The following CHD9 variants were observed in gnomAD, a reference collection of about 807,000 sequenced individuals.
CHD9 encodes ATP-dependent chromatin remodeler CHD9.
In CHD9, 77 loss-of-function variants were observed where a neutral mutation model predicts 316.1. The observed-to-expected ratio is 0.24, with a 90% CI of 0.20 to 0.29. The LOEUF is 0.29. CHD9 is among the 10% of genes least tolerant of loss of function. The pLI, the probability that CHD9 is intolerant of heterozygous loss-of-function variation, is 1.00. For missense variants in CHD9, 2,763 were observed against 3,438.1 expected (o/e 0.80, Z 4.91); for synonymous variants, 1,129 against 1,158.3 (o/e 0.97, Z 0.51).
At chr16:53,254,730 A>G (rs2050433831) in intron 18 of CHD9, 125 bp downstream of exon 18, 2 of 742,426 alleles carry the variant, frequency 2.7e-6, no homozygotes, top group Admixed American at 2.7e-5. Context: ...CTGCAGGGGA[A>G]CATTTTCAGG....
chr16:53,100,690 G>A (rs965453306), intron 1 of CHD9, among the ~76,000 whole-genome samples: 7 of 152,090 alleles, frequency 4.6e-5, no homozygotes, highest in Non-Finnish European at 1.5e-5. Flanking sequence ...GAACTCCTGG[G>A]CTCAAGCAAT....
At chr16:53,146,043 G>T (rs546641016) in intron 1 of CHD9, among the ~76,000 whole-genome samples, 1 of 151,842 alleles carries the variant, frequency 6.6e-6, no homozygotes, top group East Asian at 2.0e-4. Context: ...ACAGTAGATG[G>T]TGATTGCCAG....
intron 1 of CHD9, among the ~76,000 whole-genome samples, chr16:53,123,564 G>A (rs1306887968): frequency 6.6e-6 from 1 of 151,964 alleles, no homozygotes; most frequent in Non-Finnish European, 1.5e-5. Flanking sequence ...TGCAGTGGCT[G>A]TATCTCAGCT....
In CHD9 at chr16:53,245,530, A is replaced by G. The variant is rs1478441277; in HGVS notation, c.3198+51A>G. ...ATTCATCGCATTTCTAATCATTGTA[A>G]TTATTTTGTATGTGTAATTAAATGC... On this transcript the variant is annotated intron_variant, in intron 14 of 38. Transcript: ENST00000447540. This position sits in a 1 kb window ranked among gnomAD's most constrained non-coding sequence, Gnocchi z 4.1. 2.6e-6 allele frequency: 4 copies of G among 1,536,398 alleles called. No homozygotes were observed. In the African/African-American group the frequency reaches 4.2e-5, roughly 16 times the overall value.
At chr16:53,106,946 G>A (rs2037406968) in intron 1 of CHD9, among the ~76,000 whole-genome samples, 1 of 152,184 alleles carries the variant, frequency 6.6e-6, no homozygotes, top group African/African-American at 2.4e-5. Flanking sequence ...TTTAAAAAAT[G>A]AGAAGACTGT....
At chr16:53,123,665 C>A (rs2038844238) in intron 1 of CHD9, among the ~76,000 whole-genome samples, 1 of 151,964 alleles carries the variant, frequency 6.6e-6, no homozygotes, top group Admixed American at 6.6e-5. Context: ...CAACGCCTGG[C>A]AAATTTTTGT....
At chr16:53,179,942 A>G (rs367732913) in intron 2 of CHD9, among the ~76,000 whole-genome samples, 30 of 151,742 alleles carry the variant, frequency 2.0e-4, no homozygotes, top group African/African-American at 6.0e-4. Context: ...AGATTTTTAT[A>G]TATTTTCTCA....
At chr16:53,192,020 T>G (rs1023551859) in intron 2 of CHD9, among the ~76,000 whole-genome samples, 7 of 150,598 alleles carry the variant, frequency 4.6e-5, no homozygotes, top group African/African-American at 1.7e-4. Context: ...TGATGTTGAG[T>G]ATCTTTTCAT....
At position 53,156,446 on chromosome 16, in the gene CHD9, A is replaced by G. The variant is rs756400457; in HGVS notation, c.357A>G (p.Ser119=). The G allele has an allele frequency of 6.2e-7, 1 of 1,614,022 alleles. No homozygotes were observed. The highest frequency in any genetic ancestry group is 8.5e-7 in the Non-Finnish European group (1 of 1,179,890). Residue 119 remains serine, a synonymous_variant, in exon 2 of 39, where the codon TCA becomes TCG. Coordinates refer to ENST00000447540, the MANE Select transcript of CHD9 (RefSeq NM_001308319.2). ...CCAATGGTTTGTTTCCAGATGTATC[A>G]GATGGCAGTCCAATGTGGGGCCATC... ...NQPNGLFPDV[S]DGSPMWGHQT... is the part of the protein sequence containing the mutation.
At chr16:53,181,812 G>A (rs1392307659) in intron 2 of CHD9, among the ~76,000 whole-genome samples, 1 of 152,194 alleles carries the variant, frequency 6.6e-6, no homozygotes, top group Non-Finnish European at 1.5e-5. Flanking sequence ...GGATGCGGTG[G>A]CTCACACCTG....
At chr16:53,313,053 A>G (rs2056598053) in intron 34 of CHD9, among the ~76,000 whole-genome samples, 1 of 152,230 alleles carries the variant, frequency 6.6e-6, no homozygotes, top group South Asian at 2.1e-4. Context: ...GCTGCTTAAT[A>G]AAATATCTAT....
intron 2 of CHD9, among the ~76,000 whole-genome samples, chr16:53,183,679 C>T (rs550336858): frequency 2.0e-4 from 31 of 152,204 alleles, no homozygotes; most frequent in Middle Eastern, 3.4e-3. Context: ...TTTGCAAGGT[C>T]AGAGTGAGAG....
At chr16:53,231,222 A>G (rs2048146645) in intron 8 of CHD9, among the ~76,000 whole-genome samples, 197 bp from the exon 9 acceptor site, 1 of 152,136 alleles carries the variant, frequency 6.6e-6, no homozygotes, top group South Asian at 2.1e-4. Context: ...TTTTAGTACT[A>G]TTTGGTTTTA....
intron 1 of CHD9, among the ~76,000 whole-genome samples, chr16:53,106,678 A>G (rs2037381587): frequency 2.6e-5 from 4 of 152,012 alleles, no homozygotes; most frequent in Non-Finnish European, 5.9e-5. Context: ...ACACACACAC[A>G]CAGCGCGATG....
At chr16:53,206,132 A>C (rs2152861704) in intron 2 of CHD9, among the ~76,000 whole-genome samples, 1 of 152,010 alleles carries the variant, frequency 6.6e-6, no homozygotes, top group East Asian at 1.9e-4. Flanking sequence ...TTGTATTTTT[A>C]GTAGAGGCGA....
In CHD9 at chr16:53,167,913, T is replaced by C. The variant is rs186373532; in HGVS notation, c.1452+10372T>C. Among the ~76,000 whole-genome samples, 262 of 152,226 alleles carry C rather than the reference T, an allele frequency of 1.7e-3. 3 individuals are homozygous for C. The highest frequency in any genetic ancestry group is 6.0e-3 in the African/African-American group (248 of 41,554). On this transcript the variant is annotated intron_variant, in intron 2 of 38. Transcript: ENST00000447540. ...CACTTAGACAGATATTCTTAGAAGA[T>C]TGTATTGTAGGATAAATTTCCTAGG...
At position 53,285,592 on chromosome 16, in the gene CHD9, A is replaced by T. The variant is rs202247441; in HGVS notation, c.4968-4A>T. 1.9e-3 allele frequency: 3,034 copies of T among 1,567,828 alleles called. 7 individuals carry two copies. Among genetic ancestry groups the T allele is most frequent in the Non-Finnish European group, 2.3e-3 (2,657 of 1,152,586 alleles). The stretch of plus-strand genomic sequence containing the variant: ...CATAATGCCATATTATGATTTTTTT[A>T]AAGTGACATTGATGTTTGGGTACCA... On this transcript the variant is annotated splice_polypyrimidine_tract_variant and splice_region_variant and intron_variant, in intron 24 of 38. Transcript: ENST00000447540.
At chr16:53,182,935 G>A (rs908762074) in intron 2 of CHD9, among the ~76,000 whole-genome samples, 5 of 152,042 alleles carry the variant, frequency 3.3e-5, no homozygotes, top group East Asian at 1.9e-4. Flanking sequence ...GTGAATATAC[G>A]AATGCATATG....
intron 1 of CHD9, among the ~76,000 whole-genome samples, chr16:53,145,045 A>G (rs996810235): frequency 5.3e-5 from 8 of 152,086 alleles, no homozygotes; most frequent in African/African-American, 1.2e-4. Context: ...GATTAAGTCA[A>G]TTAAGCAAAG....
Sources: allele counts gnomAD v4.1 joint callset (sites outside exome capture counted in the v4.1 genomes callset), GRCh38; gene constraint gnomAD v4.1.1; non-coding constraint Gnocchi (gnomAD v3.1); transcripts MANE v1.5; gene names NCBI Gene and HGNC (gene_info 2026-07-23, HGNC 2026-07-21).